WWC1: variants seen among roughly 807,000 people sequenced by gnomAD.
WWC1 encodes protein KIBRA.
Under a neutral mutation model 138.4 loss-of-function variants are expected in WWC1, and 55 were observed. That is an observed-to-expected ratio of 0.40 (90% CI 0.32 to 0.50). The LOEUF (loss-of-function observed/expected upper bound fraction) is 0.50, where lower values mean the gene tolerates loss of function less well. WWC1 is among the 20% of genes least tolerant of loss of function. The pLI, the probability that WWC1 is intolerant of heterozygous loss-of-function variation, is 0.72. For missense variants in WWC1, 1,226 were observed against 1,420.4 expected (o/e 0.86, Z 2.20); for synonymous variants, 524 against 564.9 (o/e 0.93, Z 1.03).
intron 9 of WWC1, among the ~76,000 whole-genome samples, chr5:168,421,801 C>A (rs1781104725): frequency 6.6e-6 from 1 of 152,164 alleles, no homozygotes; most frequent in Non-Finnish European, 1.5e-5. Flanking sequence ...AGGTTCCCAG[C>A]AGAGTGCCTG....
chr5:168,388,688 G>A (rs929363665), intron 3 of WWC1, among the ~76,000 whole-genome samples: 1 of 151,978 alleles, frequency 6.6e-6, no homozygotes, highest in African/African-American at 2.4e-5. Flanking sequence ...AAATTAGCTG[G>A]GCGTGGTGGC....
At chr5:168,357,619 G>A (rs2059090) in intron 1 of WWC1, among the ~76,000 whole-genome samples, 10,751 of 152,074 alleles carry the variant, frequency 0.071, 464 homozygotes, top group South Asian at 0.091. Context: ...CATCCTCGCA[G>A]TATGAATGAA....
chr5:168,366,433 C>G (rs1038614396), intron 1 of WWC1, among the ~76,000 whole-genome samples: 1 of 152,112 alleles, frequency 6.6e-6, no homozygotes, highest in African/African-American at 2.4e-5. Flanking sequence ...CCCCTGTGAT[C>G]GCATCAAAGG....
chr5:168,298,082 A>G (rs1299810941), intron 1 of WWC1, among the ~76,000 whole-genome samples: 3 of 152,130 alleles, frequency 2.0e-5, no homozygotes, highest in Non-Finnish European at 4.4e-5. Flanking sequence ...TCAGTCACCC[A>G]GGTTGGAGTG....
chr5:168,438,753 A>G (rs950406208), intron 15 of WWC1, among the ~76,000 whole-genome samples: 8 of 152,102 alleles, frequency 5.3e-5, no homozygotes, highest in Non-Finnish European at 8.8e-5. Flanking sequence ...CCTCTGAGGA[A>G]TGATTAATTA....
rs138545841 is a variant in WWC1, at chr5:168,314,714, G to T, written c.119+22443G>T. 1.2e-4 allele frequency among the ~76,000 whole-genome samples: 18 copies of T among 152,310 alleles called. No individual in the cohort carries two copies. The East Asian group carries it at 3.1e-3, about 26-fold the overall frequency. Reference sequence around the variant, plus strand: ...GGGAACCTGAGCCTGGAGCAGTCCTGGGAAGCCAGAGGTGGGCTCCAGGTG... The same window carrying T: ...GGGAACCTGAGCCTGGAGCAGTCCTTGGAAGCCAGAGGTGGGCTCCAGGTG... On this transcript the variant is annotated intron_variant, in intron 1 of 22. Coordinates refer to ENST00000265293, the MANE Select transcript of WWC1 (RefSeq NM_015238.3).
intron 1 of WWC1, among the ~76,000 whole-genome samples, chr5:168,367,678 G>T (rs1435095612): frequency 6.6e-6 from 1 of 152,124 alleles, no homozygotes; most frequent in Non-Finnish European, 1.5e-5. Context: ...TGGAACTTCA[G>T]GTTATACCTG....
intron 4 of WWC1, among the ~76,000 whole-genome samples, chr5:168,399,215 C>T (rs981311903): frequency 1.3e-5 from 1 of 75,716 alleles, no homozygotes; most frequent in Non-Finnish European, 2.7e-5. Context: ...TATCCCAGGT[C>T]AGCTCCTGTC....
At chr5:168,381,270 G>C (rs1353738045) in intron 2 of WWC1, among the ~76,000 whole-genome samples, 1 of 152,134 alleles carries the variant, frequency 6.6e-6, no homozygotes, top group African/African-American at 2.4e-5. Context: ...GTTTTACAGA[G>C]CAGTGCTGAG....
chr5:168,326,464 G>A (rs1462506425), intron 1 of WWC1, among the ~76,000 whole-genome samples: 7 of 152,204 alleles, frequency 4.6e-5, no homozygotes, highest in Admixed American at 1.3e-4. Flanking sequence ...TGATCCGCCC[G>A]CCTCAGCCTC....
intron 4 of WWC1, 139 bp downstream of exon 4, chr5:168,397,939 G>C (rs1779026636): frequency 2.2e-5 from 18 of 801,304 alleles, no homozygotes; most frequent in Middle Eastern, 3.5e-4. Flanking sequence ...AATAATAACA[G>C]TAGAAGCGGT....
At chr5:168,409,819 C>A in intron 7 of WWC1, 103 bp from the exon 8 acceptor site, 1 of 1,209,982 alleles carries the variant, frequency 8.3e-7, no homozygotes, top group Non-Finnish European at 1.2e-6. Context: ...CTATTCTTGG[C>A]TACTGCCCAC....
chr5:168,450,126 T>C (rs1308282401), intron 17 of WWC1, among the ~76,000 whole-genome samples: 1 of 152,236 alleles, frequency 6.6e-6, no homozygotes, highest in African/African-American at 2.4e-5. Context: ...CTCAGTATGA[T>C]AACACTGTCT....
rs761151168 is a variant in WWC1 at position 168,454,107 on chromosome 5, A to T, written c.2658+7A>T. On this transcript the variant is annotated splice_region_variant and intron_variant, in intron 18 of 22. Transcript: ENST00000265293. The stretch of plus-strand genomic sequence containing the variant: ...TGGGTACCCAGCATTAAAGGTAGGA[A>T]GGGCTGGGGGGATAGAAGGGCTGTC... 8.1e-6 allele frequency: 13 copies of T among 1,610,888 alleles called. 1 individual carries two copies. In the Admixed American group the frequency reaches 2.2e-4, roughly 27 times the overall value.
intron 1 of WWC1, among the ~76,000 whole-genome samples, chr5:168,334,183 C>T (rs1275416248): frequency 6.6e-6 from 1 of 151,656 alleles, no homozygotes; most frequent in African/African-American, 2.4e-5. Flanking sequence ...ATGATGATAC[C>T]CCTGCACTCC....
At chr5:168,354,886 C>T (rs1226404096) in intron 1 of WWC1, among the ~76,000 whole-genome samples, 2 of 152,122 alleles carry the variant, frequency 1.3e-5, no homozygotes, top group Admixed American at 1.3e-4. Context: ...GTTAGGCTGG[C>T]TTTGTAAGCA....
chr5:168,327,395 C>G (rs541416178), intron 1 of WWC1, among the ~76,000 whole-genome samples: 39 of 152,314 alleles, frequency 2.6e-4, no homozygotes, highest in African/African-American at 9.4e-4. Flanking sequence ...GACCTAAGAG[C>G]AGGAATGTTT....
Position 168,404,522 on chromosome 5 carries a change from C to A in WWC1, c.591-1676C>A, listed in dbSNP as rs1035735847. On this transcript the variant is annotated intron_variant, in intron 5 of 22. Transcript: ENST00000265293. ...TGTGTTGAGACCGTGCTCCATGCCT[C>A]GCTCTCTCCTCTGCTTGGAGGCGCA... Among the ~76,000 whole-genome samples the A allele has an allele frequency of 2.0e-5, 3 of 152,188 alleles. No individual in the cohort carries two copies. In the South Asian group the frequency reaches 6.2e-4, roughly 32 times the overall value.
chr5:168,406,415 G>A, intron 6 of WWC1, 88 bp downstream of exon 6: 2 of 1,554,764 alleles, frequency 1.3e-6, no homozygotes, highest in South Asian at 2.4e-5. Flanking sequence ...TTTCCACGTG[G>A]TACACACATC....
Sources: gnomAD v4.1 joint callset for allele counts (sites outside exome capture counted in the v4.1 genomes callset) on GRCh38, gnomAD v4.1.1 for gene constraint, MANE v1.5 for transcripts, NCBI Gene and HGNC (gene_info 2026-07-23, HGNC 2026-07-21) for gene names.